The following PTN variants were observed in gnomAD, a reference collection of about 807,000 sequenced individuals.
PTN encodes pleiotrophin, also known as heparin affin regulatory protein.
Under a neutral mutation model 24.1 loss-of-function variants are expected in PTN, and 18 were observed. The observed-to-expected ratio is 0.75, with a 90% CI of 0.52 to 1.11. The LOEUF is 1.11. Among genes scored for constraint, PTN ranks in the 50% least tolerant of loss-of-function variants. The pLI, the probability that PTN is intolerant of heterozygous loss-of-function variation, is 0.00. For missense variants in PTN, 163 were observed against 198.8 expected (o/e 0.82, Z 1.08); for synonymous variants, 78 against 68.6 (o/e 1.14, Z -0.67).
intron 1 of PTN, among the ~76,000 whole-genome samples, chr7:137,338,082 C>T (rs190188187): frequency 1.1e-4 from 17 of 152,090 alleles, no homozygotes; most frequent in Non-Finnish European, 2.1e-4. Flanking sequence ...GGGGAGACTT[C>T]GAAGACAAGG....
At chr7:137,288,952 C>T (rs1399182958) in intron 1 of PTN, among the ~76,000 whole-genome samples, 2 of 152,080 alleles carry the variant, frequency 1.3e-5, no homozygotes, top group African/African-American at 2.4e-5. Flanking sequence ...AACCTCCCTA[C>T]TGAAATAATG....
rs138312346 is a variant in PTN at position 137,257,364 on chromosome 7, C to T, written c.-1-2390G>A. 6.2e-3 allele frequency among the ~76,000 whole-genome samples: 940 copies of T among 152,258 alleles called. 9 individuals are homozygous for T. Among genetic ancestry groups the T allele is most frequent in the African/African-American group, 0.021 (884 of 41,540 alleles). The stretch of plus-strand genomic sequence containing the variant: ...CAACCTAATACCTCATGAATGGTCA[C>T]GCAGAAAAGTTTCTACTGATTCTGA... On this transcript the variant is annotated intron_variant, in intron 1 of 4. Transcript: ENST00000348225.
intron 1 of PTN, among the ~76,000 whole-genome samples, chr7:137,288,549 A>C (rs1395798254): frequency 6.6e-6 from 1 of 152,222 alleles, no homozygotes; most frequent in Non-Finnish European, 1.5e-5. Flanking sequence ...AGATGTATTT[A>C]CTGAATTTTA....
In PTN at chr7:137,233,420, C is replaced by T. The variant is rs75611580; in HGVS notation, c.452-5345G>A. Among the ~76,000 whole-genome samples the T allele has an allele frequency of 7.9e-3, 1,207 of 152,026 alleles. 12 individuals are homozygous for T. Among genetic ancestry groups the T allele is most frequent in the Non-Finnish European group, 0.013 (911 of 67,946 alleles). ...TTATGTCCTCTGCAATCTCATCTTA[C>T]CACTAATGTTCAAAACACATTAATT... On this transcript the variant is annotated intron_variant, in intron 4 of 4. Transcript: ENST00000348225.
chr7:137,252,921 C>T (rs767408103), intron 3 of PTN, among the ~76,000 whole-genome samples: 6 of 152,104 alleles, frequency 3.9e-5, no homozygotes, highest in African/African-American at 7.2e-5. Flanking sequence ...GTAAGTGAAT[C>T]TGTGAAACTG....
intron 1 of PTN, chr7:137,326,063 A>C (rs1042907540): frequency 6.6e-6 from 1 of 152,350 alleles, no homozygotes; most frequent in African/African-American, 2.4e-5. Context: ...GTGAATGCTC[A>C]GGAAGAAGAA....
intron 1 of PTN, among the ~76,000 whole-genome samples, chr7:137,295,225 A>C (rs1443969890): frequency 6.6e-6 from 1 of 152,208 alleles, no homozygotes; most frequent in African/African-American, 2.4e-5. Flanking sequence ...AGAACAATGA[A>C]TAGCACAGGC....
At chr7:137,276,702 A>G (rs1039073662) in intron 1 of PTN, among the ~76,000 whole-genome samples, 2 of 152,206 alleles carry the variant, frequency 1.3e-5, no homozygotes, top group African/African-American at 4.8e-5. Flanking sequence ...CAAGTTAACT[A>G]ATACTGGTGC....
intron 1 of PTN, among the ~76,000 whole-genome samples, chr7:137,296,427 G>C: frequency 6.6e-6 from 1 of 152,050 alleles, no homozygotes; most frequent in East Asian, 1.9e-4. Context: ...AGAGAGCTAA[G>C]GGAATGGGGA....
At chr7:137,306,802 C>A (rs1809896477) in intron 1 of PTN, among the ~76,000 whole-genome samples, 1 of 152,116 alleles carries the variant, frequency 6.6e-6, no homozygotes, top group Admixed American at 6.6e-5. Context: ...TTGGAAAGAT[C>A]ACATTCATGT....
intron 1 of PTN, among the ~76,000 whole-genome samples, chr7:137,255,985 G>T (rs930304642): frequency 1.3e-5 from 2 of 152,116 alleles, no homozygotes; most frequent in Non-Finnish European, 2.9e-5. Context: ...TTTTCCAGAG[G>T]TAGTACTAGA....
At chr7:137,319,184 CT>C (rs1810122440) in intron 1 of PTN, among the ~76,000 whole-genome samples, 1 of 152,168 alleles carries the variant, frequency 6.6e-6, no homozygotes, top group African/African-American at 2.4e-5. Flanking sequence ...ACCCAAAGAC[CT>C]TCTGCAGTTT....
rs1022890173 is a variant in PTN, at chr7:137,227,590, T to C, written c.*430A>G. 3.3e-5 allele frequency: 5 copies of C among 152,868 alleles called. No homozygotes were observed. Among genetic ancestry groups the C allele is most frequent in the African/African-American group, 9.7e-5 (4 of 41,428 alleles). The allele number at this position is 152,868 out of a possible 1,614,324, so 9.5% of individuals were successfully genotyped here. A position where few individuals can be genotyped will look rare whatever the true frequency, so the allele number is the denominator to read the frequency against. ...ATATTTTCTTCAAATAGAGTGATTA[T>C]GTTTTATTGCTATTTTGTTTAGTAT... On this transcript the variant is annotated 3_prime_UTR_variant, in exon 5 of 5. Transcript: ENST00000348225.
chr7:137,331,339 G>A (rs183453360), intron 1 of PTN, among the ~76,000 whole-genome samples: 3 of 152,216 alleles, frequency 2.0e-5, no homozygotes, highest in East Asian at 1.9e-4. Context: ...CAGATATCAC[G>A]TATCAGAAGG....
rs151070892 is a variant in PTN at position 137,316,216 on chromosome 7, C to A, written c.-2+27223G>T. On this transcript the variant is annotated intron_variant, in intron 1 of 4. Coordinates refer to ENST00000348225, the MANE Select transcript of PTN (RefSeq NM_002825.7). Reference sequence around the variant, plus strand: ...TCAGGTCTGAAATACTTTTCCCAGACGATCCGTATCACCGTCACCTGGGAA... The same window carrying A: ...TCAGGTCTGAAATACTTTTCCCAGAAGATCCGTATCACCGTCACCTGGGAA... Among the ~76,000 whole-genome samples the A allele has an allele frequency of 1.1e-4, 16 of 152,264 alleles. No homozygotes were observed. In the South Asian group the frequency reaches 3.3e-3, roughly 32 times the overall value.
At chr7:137,283,951 G>GTTTTTT (rs1228347789) in intron 1 of PTN, among the ~76,000 whole-genome samples, 1 of 70,078 alleles carries the variant, frequency 1.4e-5, no homozygotes. Flanking sequence ...ATGAGCATCA[G>GTTTTTT]ATTTTTTTTT....
intron 4 of PTN, among the ~76,000 whole-genome samples, chr7:137,245,870 G>A (rs927686613): frequency 3.9e-5 from 6 of 152,238 alleles, no homozygotes; most frequent in South Asian, 2.1e-4. Flanking sequence ...GAAAGAATAC[G>A]TTTGTTATAG....
intron 1 of PTN, among the ~76,000 whole-genome samples, chr7:137,324,433 A>AAAAAAAAATATATATATATATATATAT: frequency 2.3e-5 from 2 of 88,758 alleles, no homozygotes; most frequent in African/African-American, 6.9e-5. Context: ...AAAAAAAAAA[A>AAAAAAAAATATATATATATATATATAT]ATATATATAT....
chr7:137,301,069 T>G (rs1360887680), intron 1 of PTN, among the ~76,000 whole-genome samples: 3 of 151,920 alleles, frequency 2.0e-5, no homozygotes, highest in Admixed American at 6.6e-5. Flanking sequence ...AGAGATAAAA[T>G]GTATAAAGAG....
Sources: gnomAD v4.1 joint callset for allele counts (sites outside exome capture counted in the v4.1 genomes callset) on GRCh38, gnomAD v4.1.1 for gene constraint, MANE v1.5 for transcripts, NCBI Gene and HGNC (gene_info 2026-07-23, HGNC 2026-07-21) for gene names.